Variants in KCNH8 observed in about 807,000 individuals in gnomAD.
KCNH8 encodes potassium voltage-gated channel subfamily H member 8, also known as voltage-gated delayed rectifier potassium channel KCNH8.
A neutral mutation model predicts 103.6 loss-of-function variants in KCNH8; 70 were observed. The ratio of observed to expected loss-of-function variants is 0.68; its 90% confidence interval spans 0.56 to 0.82. The LOEUF is 0.82. Ranked by LOEUF, KCNH8 falls within the 40% of genes least tolerant of loss-of-function variation. The pLI is 0.00. For synonymous variants in KCNH8, 498 were observed against 489.4 expected (o/e 1.02, Z -0.23); for missense variants, 1,217 against 1,329.9 (o/e 0.92, Z 1.32).
chr3:19,354,316 T>G (rs1293101253), intron 5 of KCNH8, among the ~76,000 whole-genome samples: 1 of 152,144 alleles, frequency 6.6e-6, no homozygotes, highest in African/African-American at 2.4e-5. Flanking sequence ...CAAGGTAATT[T>G]ATAGACTCAA....
At position 19,450,307 on chromosome 3, in the gene KCNH8, TA is replaced by T. The variant is rs1375973053; in HGVS notation, c.1575+4del. ...AACAATGGAATAGATTCAAATGAGGTAATGTTCATTTCTCATGTTGTTTTCA... is the reference window on the plus strand; with the variant it reads ...AACAATGGAATAGATTCAAATGAGGTATGTTCATTTCTCATGTTGTTTTCA... On this transcript the variant is annotated splice_donor_region_variant and intron_variant, in intron 9 of 15. Coordinates refer to ENST00000328405, the MANE Select transcript of KCNH8 (RefSeq NM_144633.3). 1 of 1,602,780 alleles carries T rather than the reference TA, an allele frequency of 6.2e-7. No homozygotes were observed. Among genetic ancestry groups the T allele is most frequent in the Non-Finnish European group, 8.5e-7 (1 of 1,169,762 alleles).
chr3:19,173,750 TTAAA>T (rs1222793269), intron 1 of KCNH8, among the ~76,000 whole-genome samples: 1 of 152,118 alleles, frequency 6.6e-6, no homozygotes, highest in Admixed American at 6.6e-5. Flanking sequence ...AGACTACAAT[TTAAA>T]TAAATTCACA....
intron 3 of KCNH8, among the ~76,000 whole-genome samples, chr3:19,335,467 GTA>G (rs1463987049): frequency 1.0e-4 from 12 of 115,794 alleles, no homozygotes; most frequent in African/African-American, 1.7e-4. Flanking sequence ...GTGTGTGTGT[GTA>G]TATATATGTG....
chr3:19,404,566 T>C (rs2066663193), intron 7 of KCNH8, among the ~76,000 whole-genome samples: 1 of 151,962 alleles, frequency 6.6e-6, no homozygotes, highest in African/African-American at 2.4e-5. Context: ...ACAAGTAATA[T>C]GCTTCTGGCT....
At chr3:19,255,494 A>G (rs2125254540) in intron 2 of KCNH8, among the ~76,000 whole-genome samples, 1 of 152,080 alleles carries the variant, frequency 6.6e-6, no homozygotes, top group Admixed American at 6.6e-5. Flanking sequence ...AGAACTTCCA[A>G]TATTATGTTG....
intron 1 of KCNH8, among the ~76,000 whole-genome samples, chr3:19,199,166 A>G (rs1319796217): frequency 6.6e-6 from 1 of 152,168 alleles, no homozygotes; most frequent in Non-Finnish European, 1.5e-5. Context: ...TACTAAATAT[A>G]TAAAGTCTGA....
At chr3:19,466,743 G>A (rs539252421) in intron 11 of KCNH8, among the ~76,000 whole-genome samples, 3 of 129,230 alleles carry the variant, frequency 2.3e-5, no homozygotes, top group Admixed American at 9.5e-5. Context: ...AGCTTACTGA[G>A]ATCCATCTCC....
At chr3:19,275,860 C>A (rs995608631) in intron 2 of KCNH8, among the ~76,000 whole-genome samples, 1 of 152,054 alleles carries the variant, frequency 6.6e-6, no homozygotes, top group African/African-American at 2.4e-5. Context: ...TTTGAGCAAA[C>A]AGTGAAAAGC....
Position 19,513,308 on chromosome 3 carries a change from CCCA to C in KCNH8, c.2419_2421del (p.Pro807del). On this transcript the variant is annotated inframe_deletion, in exon 13 of 16. Transcript: ENST00000328405. ...TTTCAACTTTGAATAATGCTGGACCCCCAGACCTCAGTCCAAGGTAAGAGTTCA... is the reference window on the plus strand; with the variant it reads ...TTTCAACTTTGAATAATGCTGGACCCGACCTCAGTCCAAGGTAAGAGTTCA... 2 of 1,599,022 alleles carry C rather than the reference CCCA, an allele frequency of 1.3e-6. No homozygotes were observed. Among genetic ancestry groups the C allele is most frequent in the Non-Finnish European group, 8.5e-7 (1 of 1,174,044 alleles).
Position 19,260,256 on chromosome 3 carries a change from AC to A in KCNH8, c.310+6371del, listed in dbSNP as rs768493886. ...CTTGTGTACCATTAGAATTATTCAT[AC>A]CACTATTTGGGCAACACGCTATGTT... On this transcript the variant is annotated intron_variant, in intron 2 of 15. Coordinates refer to ENST00000328405, the MANE Select transcript of KCNH8 (RefSeq NM_144633.3). Among the ~76,000 whole-genome samples the A allele has an allele frequency of 9.9e-5, 15 of 151,402 alleles. 2 individuals carry two copies. The highest frequency in any genetic ancestry group is 5.3e-4 in the Admixed American group (8 of 15,126).
At position 19,533,445 on chromosome 3, in the gene KCNH8, T is replaced by C. The variant is rs759099568; in HGVS notation, c.2670T>C (p.Asn890=). 6.2e-7 allele frequency: 1 copy of C among 1,614,104 alleles called. No individual in the cohort carries two copies. The highest frequency in any genetic ancestry group is 2.2e-5 in the East Asian group (1 of 44,842). Residue 890 remains asparagine (N), a synonymous_variant, in exon 16 of 16, where the codon AAT becomes AAC. Coordinates refer to ENST00000328405, the MANE Select transcript of KCNH8 (RefSeq NM_144633.3). The part of the protein sequence containing the change: ...EVSQLGKDMR[N]VIQLLENVLS... ...CTCAGTTGGGTAAAGACATGAGAAA[T>C]GTGATCCAGCTTCTGGAAAACGTTC...
intron 1 of KCNH8, among the ~76,000 whole-genome samples, chr3:19,159,233 T>G (rs2063210482): frequency 6.6e-6 from 1 of 151,840 alleles, no homozygotes; most frequent in South Asian, 2.1e-4. Flanking sequence ...CAATAAAAGT[T>G]ACTTGCTATG....
At position 19,513,104 on chromosome 3, in the gene KCNH8, C is replaced by T; in HGVS notation, c.2214C>T (p.Arg738=). 6.2e-7 allele frequency: 1 copy of T among 1,613,848 alleles called. No individual in the cohort carries two copies. The highest frequency in any genetic ancestry group is 1.6e-4 in the Middle Eastern group (1 of 6,062). The part of the protein sequence containing the change: ...SPICTRGSSS[R]NKKVGSNKAY... ...TCTGCACAAGGGGATCTTCTTCGCGCAACAAGAAGGTTGGAAGCAATAAAG... is the reference window on the plus strand; with the variant it reads ...TCTGCACAAGGGGATCTTCTTCGCGTAACAAGAAGGTTGGAAGCAATAAAG... The change falls in exon 13 of 16, where the codon CGC becomes CGT. Residue 738 remains arginine, a synonymous_variant. Transcript: ENST00000328405.
intron 11 of KCNH8, among the ~76,000 whole-genome samples, chr3:19,487,236 G>C (rs530699606): frequency 1.3e-5 from 2 of 152,322 alleles, no homozygotes; most frequent in Admixed American, 6.5e-5. Context: ...TCAGGAGCTA[G>C]TCTGATGCTA....
chr3:19,478,457 T>C (rs1443179094), intron 11 of KCNH8, among the ~76,000 whole-genome samples: 1 of 152,164 alleles, frequency 6.6e-6, no homozygotes, highest in African/African-American at 2.4e-5. Context: ...CTTTGACTTT[T>C]AATAATAGCC....
chr3:19,239,674 CTAT>C (rs1559437657), intron 1 of KCNH8, among the ~76,000 whole-genome samples: 16 of 151,870 alleles, frequency 1.1e-4, no homozygotes, highest in Non-Finnish European at 2.4e-4. Flanking sequence ...ATCTATCTAT[CTAT>C]CTATCTACCT....
intron 1 of KCNH8, among the ~76,000 whole-genome samples, chr3:19,175,343 T>C (rs1296181973): frequency 1.3e-5 from 2 of 150,638 alleles, no homozygotes; most frequent in African/African-American, 2.4e-5. Context: ...TGCCTCAGCC[T>C]CCCGAGTAGC....
chr3:19,404,021 A>T (rs1281039261), intron 7 of KCNH8, among the ~76,000 whole-genome samples: 2 of 151,950 alleles, frequency 1.3e-5, no homozygotes, highest in African/African-American at 4.8e-5. Context: ...TCAATTGTAA[A>T]TGTATTTTCA....
At chr3:19,388,409 G>A (rs758240348) in intron 5 of KCNH8, among the ~76,000 whole-genome samples, 1 of 152,010 alleles carries the variant, frequency 6.6e-6, no homozygotes, top group Non-Finnish European at 1.5e-5. Context: ...AAGAATGAAT[G>A]TTCACATGCT....
Sources: allele counts gnomAD v4.1 joint callset (sites outside exome capture counted in the v4.1 genomes callset), GRCh38; gene constraint gnomAD v4.1.1; transcripts MANE v1.5; gene names NCBI Gene and HGNC (gene_info 2026-07-23, HGNC 2026-07-21).